The following DYTN variants were observed in gnomAD, a reference collection of about 807,000 sequenced individuals.
The protein encoded by DYTN is dystrotelin.
A neutral mutation model predicts 69.6 loss-of-function variants in DYTN; 75 were observed. That is an observed-to-expected ratio of 1.08 (90% CI 0.89 to 1.31). The LOEUF (loss-of-function observed/expected upper bound fraction) is 1.31. Among genes scored for constraint, DYTN ranks in the 50% most tolerant of loss-of-function variants. DYTN has a pLI of 0.00. For missense variants in DYTN, 726 were observed against 688.4 expected (o/e 1.05, Z -0.61); for synonymous variants, 252 against 249.1 (o/e 1.01, Z -0.11).
At chr2:206,664,593 T>C (rs1355110704) in intron 10 of DYTN, among the ~76,000 whole-genome samples, 1 of 152,058 alleles carries the variant, frequency 6.6e-6, no homozygotes, top group Non-Finnish European at 1.5e-5. Context: ...CCCCAGGAGT[T>C]CGAGGCTGCA....
intron 9 of DYTN, among the ~76,000 whole-genome samples, chr2:206,670,037 T>C (rs1227794572): frequency 6.6e-6 from 1 of 152,194 alleles, no homozygotes; most frequent in East Asian, 1.9e-4. Context: ...CAGCAGGAGC[T>C]AAGAGCTCAA....
Position 206,663,225 on chromosome 2 carries a change from G to T in DYTN, c.1311C>A (p.Asp437Glu), listed in dbSNP as rs907394572. 1.4e-5 allele frequency: 23 copies of T among 1,613,794 alleles called. No homozygotes were observed. The highest frequency in any genetic ancestry group is 1.9e-5 in the Non-Finnish European group (23 of 1,179,886). Residue 437 changes from aspartate to glutamate, a missense_variant, in exon 11 of 12, where the codon GAC (aspartate) becomes GAA (glutamate). Transcript: ENST00000452335. ...GEPLPKLDEV[D>E]RSHRSHTNAE... ...CATTTGTGTGACTTCTGTGACTTCT[G>T]TCAACCTCATCAAGCTTAGGAAGAG...
At chr2:206,707,789 G>C (rs1157888788) in intron 2 of DYTN, among the ~76,000 whole-genome samples, 1 of 152,070 alleles carries the variant, frequency 6.6e-6, no homozygotes, top group East Asian at 1.9e-4. Flanking sequence ...ATAGAAAGAA[G>C]TTAAAAAGGG....
intron 1 of DYTN, among the ~76,000 whole-genome samples, chr2:206,711,632 T>C (rs1367697572): frequency 1.3e-5 from 2 of 152,032 alleles, no homozygotes; most frequent in Admixed American, 6.6e-5. Flanking sequence ...ATGTGCACAA[T>C]GTGCAGGTTA....
intron 9 of DYTN, among the ~76,000 whole-genome samples, chr2:206,668,930 G>A (rs1352092021): frequency 6.6e-6 from 1 of 152,176 alleles, no homozygotes; most frequent in East Asian, 1.9e-4. Flanking sequence ...TGAAGAAGGT[G>A]TCTGCTTCTC....
In DYTN at chr2:206,655,454, G is replaced by A. The variant is rs56165323; in HGVS notation, c.1634-3533C>T. Among the ~76,000 whole-genome samples the A allele has an allele frequency of 9.3e-4, 142 of 152,126 alleles. 1 individual carries two copies. Among genetic ancestry groups the A allele is most frequent in the Non-Finnish European group, 1.6e-3 (106 of 67,988 alleles). On this transcript the variant is annotated intron_variant, in intron 11 of 11. Coordinates refer to ENST00000452335, the MANE Select transcript of DYTN (RefSeq NM_001093730.1). ...AGATAGGGTCTTGCTCTGTCACCCA[G>A]GCTGGAGTGCAGTGGTGCAATCACA...
chr2:206,707,575 C>A, intron 2 of DYTN, 72 bp from the exon 3 acceptor site: 1 of 1,444,408 alleles, frequency 6.9e-7, no homozygotes, highest in South Asian at 1.3e-5. Flanking sequence ...AAGCAAATGT[C>A]ATTTGGTGTT....
At chr2:206,685,457 C>A (rs1193622916) in intron 9 of DYTN, among the ~76,000 whole-genome samples, 2 of 152,186 alleles carry the variant, frequency 1.3e-5, no homozygotes, top group African/African-American at 2.4e-5. Flanking sequence ...GCCACTTTAC[C>A]TGGTCACATA....
At chr2:206,714,059 A>G (rs1462515583) in intron 1 of DYTN, among the ~76,000 whole-genome samples, 1 of 152,214 alleles carries the variant, frequency 6.6e-6, no homozygotes, top group Non-Finnish European at 1.5e-5. Context: ...TTGTGGTGAC[A>G]TTCATTTTTG....
At chr2:206,712,027 A>T (rs1463742407) in intron 1 of DYTN, among the ~76,000 whole-genome samples, 2 of 152,180 alleles carry the variant, frequency 1.3e-5, no homozygotes, top group Non-Finnish European at 2.9e-5. Context: ...GTTATATAAG[A>T]TCATACACAT....
At position 206,663,360 on chromosome 2, in the gene DYTN, GGAA is replaced by G. The variant is rs760747563; in HGVS notation, c.1173_1175del (p.Ser392del). On this transcript the variant is annotated inframe_deletion, in exon 11 of 12. Transcript: ENST00000452335. ...CAACCTTGTTCCCCACATTTTGAAA[GGAA>G]GAAGATGAAGGACCGGGTGGCTGCA... The G allele has an allele frequency of 4.4e-6, 7 of 1,609,150 alleles. No homozygotes were observed. The South Asian group carries it at 5.6e-5, about 13-fold the overall frequency.
At position 206,694,796 on chromosome 2, in the gene DYTN, C is replaced by T. The variant is rs369987895; in HGVS notation, c.801G>A (p.Lys267=). The change falls in exon 8 of 12, where the codon AAG becomes AAA. Residue 267 remains lysine (K), a synonymous_variant. Coordinates refer to ENST00000452335, the MANE Select transcript of DYTN (RefSeq NM_001093730.1). ...TGCAGTGCTCAATGACAGGATGAGACTTCTGATGGGACTTGCTGTGAAGAC... is the reference window on the plus strand; with the variant it reads ...TGCAGTGCTCAATGACAGGATGAGATTTCTGATGGGACTTGCTGTGAAGAC... ...LSGLHSKSHQ[K]SHPVIEHCIQ... The T allele has an allele frequency of 2.0e-4, 318 of 1,609,536 alleles. No homozygotes were observed. The highest frequency in any genetic ancestry group is 2.5e-4 in the Non-Finnish European group (299 of 1,178,750).
intron 9 of DYTN, among the ~76,000 whole-genome samples, chr2:206,676,005 T>C (rs1194693486): frequency 6.6e-6 from 1 of 152,194 alleles, no homozygotes; most frequent in Non-Finnish European, 1.5e-5. Flanking sequence ...TCAACCATTG[T>C]GAAAGTCAAT....
chr2:206,696,395 C>T (rs1699920217), intron 7 of DYTN, among the ~76,000 whole-genome samples: 1 of 152,158 alleles, frequency 6.6e-6, no homozygotes, highest in Admixed American at 6.5e-5. Flanking sequence ...AATGTAAATA[C>T]CTTGAGATCG....
intron 9 of DYTN, among the ~76,000 whole-genome samples, chr2:206,668,585 G>C (rs1024483037): frequency 6.6e-5 from 10 of 152,034 alleles, no homozygotes; most frequent in African/African-American, 2.2e-4. Context: ...CTGCTTTCTG[G>C]TGGAGGCTAA....
At chr2:206,711,200 A>G (rs1157091869) in intron 1 of DYTN, among the ~76,000 whole-genome samples, 1 of 152,244 alleles carries the variant, frequency 6.6e-6, no homozygotes, top group African/African-American at 2.4e-5. Flanking sequence ...CTCTCTGCTC[A>G]ATATTACCTA....
At chr2:206,670,043 C>A (rs1699613256) in intron 9 of DYTN, among the ~76,000 whole-genome samples, 1 of 152,192 alleles carries the variant, frequency 6.6e-6, no homozygotes, top group Non-Finnish European at 1.5e-5. Context: ...GAGCTAAGAG[C>A]TCAAGAGATG....
intron 9 of DYTN, among the ~76,000 whole-genome samples, chr2:206,691,656 A>C (rs6705617): frequency 0.29 from 43,729 of 152,040 alleles, 8,685 homozygotes; most frequent in African/African-American, 0.57. Flanking sequence ...TATCCAAATT[A>C]TCTAACTTTA....
intron 9 of DYTN, among the ~76,000 whole-genome samples, chr2:206,677,950 C>A (rs942989148): frequency 6.6e-6 from 1 of 151,728 alleles, no homozygotes; most frequent in Non-Finnish European, 1.5e-5. Flanking sequence ...AGATAGTGCC[C>A]CTGTGCTCCA....
Sources: allele counts gnomAD v4.1 joint callset (sites outside exome capture counted in the v4.1 genomes callset), GRCh38; gene constraint gnomAD v4.1.1; transcripts MANE v1.5; gene names NCBI Gene and HGNC (gene_info 2026-07-23, HGNC 2026-07-21).